SLC35B1: variants seen among roughly 807,000 people sequenced by gnomAD.
SLC35B1 encodes ATP/ADP exchanger ER.
In SLC35B1, 27 loss-of-function variants were observed where a neutral mutation model predicts 36.6. The ratio of observed to expected loss-of-function variants is 0.74; its 90% CI spans 0.54 to 1.02. The LOEUF (loss-of-function observed/expected upper bound fraction) is 1.02, where lower values mean the gene tolerates loss of function less well. Among genes scored for constraint, SLC35B1 ranks in the 50% least tolerant of loss-of-function variants. The pLI, the probability that SLC35B1 is intolerant of heterozygous loss-of-function variation, is 0.00. For missense variants in SLC35B1, 321 were observed against 383.2 expected (o/e 0.84, Z 1.35); for synonymous variants, 162 against 152.5 (o/e 1.06, Z -0.46).
Position 49,701,195 on chromosome 17 carries a change from T to C in SLC35B1, c.*263A>G, listed in dbSNP as rs1474062978. 9 of 405,008 alleles carry C rather than the reference T, an allele frequency of 2.2e-5. No individual in the cohort carries two copies. The East Asian group carries it at 3.9e-4, about 18-fold the overall frequency. The allele number at this position is 405,008 out of a possible 1,614,324, so 25.1% of individuals were successfully genotyped here. A position where few individuals can be genotyped will look rare whatever the true frequency, so the allele number is the denominator to read the frequency against. ...AACCACACCCGTGAGAGGAGCAGCCTGGGTAATGAACATCCAGCTCTGCCT... is the reference window on the plus strand; with the variant it reads ...AACCACACCCGTGAGAGGAGCAGCCCGGGTAATGAACATCCAGCTCTGCCT... On this transcript the variant is annotated 3_prime_UTR_variant, in exon 9 of 9. Transcript: ENST00000240333.
Position 49,706,346 on chromosome 17 carries a change from CAAAAAAAAAAA to C in SLC35B1, c.209-23_209-13del, listed in dbSNP as rs61136804. The C allele has an allele frequency of 4.1e-6, 3 of 732,216 alleles. No individual in the cohort carries two copies. The highest frequency in any genetic ancestry group is 1.9e-4 in the Admixed American group (2 of 10,428). 45.4% of individuals were successfully genotyped at this position (732,216 alleles called of 1,614,324 possible). A position where few individuals can be genotyped will look rare whatever the true frequency, so the allele number is the denominator to read the frequency against. ...AAAAAACTGGATCACTGGGAGAAGA[CAAAAAAAAAAA>C]AAAAAAAAGAAAAGAAAAGAAAAAA... On this transcript the variant is annotated splice_polypyrimidine_tract_variant and intron_variant, in intron 2 of 8. Transcript: ENST00000240333.
chr17:49,707,368 G>C, intron 1 of SLC35B1: 1 of 1,428,660 alleles, frequency 7.0e-7, no homozygotes, highest in East Asian at 3.3e-5. Flanking sequence ...ACGGTATTTC[G>C]GCTATGGCAC....
At chr17:49,706,417 T>C (rs983929467) in intron 2 of SLC35B1, 83 bp from the exon 3 acceptor site, 1 of 1,319,440 alleles carries the variant, frequency 7.6e-7, no homozygotes, top group African/African-American at 1.6e-5. Context: ...GGGGCTAGGA[T>C]GGACCACTAA....
chr17:49,701,702 A>G, intron 8 of SLC35B1, 192 bp from the exon 9 acceptor site: 1 of 551,004 alleles, frequency 1.8e-6, no homozygotes, highest in Non-Finnish European at 3.2e-6. Flanking sequence ...TATTACAGAT[A>G]TCTGTATCTA....
intron 6 of SLC35B1, 52 bp from the exon 7 acceptor site, chr17:49,703,346 GCGCACA>G (rs760517465): frequency 5.5e-4 from 366 of 667,580 alleles, no homozygotes; most frequent in African/African-American, 2.8e-3. Flanking sequence ...CACAAAATGT[GCGCACA>G]CACACACACA....
In SLC35B1 at chr17:49,705,829, G is replaced by A. The variant is rs369602238; in HGVS notation, c.370+37C>T. 2.7e-5 allele frequency: 44 copies of A among 1,605,664 alleles called. No individual in the cohort carries two copies. In the African/African-American group the frequency reaches 5.2e-4, roughly 19 times the overall value. On this transcript the variant is annotated intron_variant, in intron 4 of 8. Transcript: ENST00000240333. The stretch of plus-strand genomic sequence containing the variant: ...AGAGAGAGAGCTTACTATAGGAAGA[G>A]TGACGACAGAAGAGGAAGACCATCT...
intron 6 of SLC35B1, 67 bp from the exon 7 acceptor site, chr17:49,703,361 C>T (rs2073376692): frequency 2.3e-6 from 2 of 882,808 alleles, no homozygotes; most frequent in Non-Finnish European, 3.8e-6. Context: ...CACACACACA[C>T]ACACACACAC....
chr17:49,707,533 T>C, intron 1 of SLC35B1, 197 bp downstream of exon 1: 1 of 1,489,522 alleles, frequency 6.7e-7, no homozygotes, highest in Non-Finnish European at 8.9e-7. Flanking sequence ...AATAACCAAG[T>C]CCGAAGAATC....
Position 49,707,901 on chromosome 17 carries a change from G to C in SLC35B1, c.-68C>G, listed in dbSNP as rs561453044. On this transcript the variant is annotated 5_prime_UTR_variant, in exon 1 of 9. Transcript: ENST00000240333. ...CACCGGCAGCAGCGGCGGCGGAGGCGACAGCTCCAGCCGGACATCGCCGAC... is the reference window on the plus strand; with the variant it reads ...CACCGGCAGCAGCGGCGGCGGAGGCCACAGCTCCAGCCGGACATCGCCGAC... 1.3e-5 allele frequency: 20 copies of C among 1,594,180 alleles called. No individual in the cohort carries two copies. The highest frequency in any genetic ancestry group is 1.6e-5 in the Non-Finnish European group (19 of 1,171,056).
chr17:49,703,306 T>C lies in SLC35B1; in HGVS notation c.656-12A>G, dbSNP rs774587773. The C allele has an allele frequency of 8.3e-6, 13 of 1,560,424 alleles. No individual in the cohort carries two copies. The highest frequency in any genetic ancestry group is 1.1e-5 in the Non-Finnish European group (12 of 1,132,028). On this transcript the variant is annotated splice_polypyrimidine_tract_variant and intron_variant, in intron 6 of 8. Transcript: ENST00000240333. ...AGTGAACAGGATTCCTGAGAAGACA[T>C]GTCAACAAATGTACGGCGCATTTTG...
chr17:49,707,763 C>G lies in SLC35B1; in HGVS notation c.71G>C (p.Cys24Ser). The G allele has an allele frequency of 6.2e-7, 1 of 1,612,068 alleles. No homozygotes were observed. Among genetic ancestry groups the G allele is most frequent in the Non-Finnish European group, 8.5e-7 (1 of 1,179,862 alleles). The part of the protein sequence containing the change: ...LPLCFLGVFV[C>S]YFYYGILQEK... ...CTGCAGGATCCCATAGTAAAAATAGCAGACAAAGACACCCAGGAAGCAGAG... is the reference window on the plus strand; with the variant it reads ...CTGCAGGATCCCATAGTAAAAATAGGAGACAAAGACACCCAGGAAGCAGAG... Residue 24 changes from cysteine to serine, a missense_variant, in exon 1 of 9, where the codon TGC becomes TCC. Transcript: ENST00000240333.
intron 4 of SLC35B1, 57 bp from the exon 5 acceptor site, chr17:49,705,338 A>T: frequency 6.5e-7 from 1 of 1,527,044 alleles, no homozygotes; most frequent in South Asian, 1.2e-5. Flanking sequence ...TGATGACCCC[A>T]ATGCCCTCCC....
chr17:49,705,745 G>T (rs1038337585), intron 4 of SLC35B1, 121 bp downstream of exon 4: 92 of 927,378 alleles, frequency 9.9e-5, no homozygotes, highest in Middle Eastern at 6.5e-4. Context: ...AGAGCTGGGG[G>T]AAAGTCCCTG....
At chr17:49,704,981 G>T in intron 5 of SLC35B1, 143 bp downstream of exon 5, 1 of 724,552 alleles carries the variant, frequency 1.4e-6, no homozygotes, top group East Asian at 2.5e-5. Context: ...ATAGAGTCAG[G>T]GGCCTGCAGC....
intron 4 of SLC35B1, 48 bp downstream of exon 4, chr17:49,705,818 C>G (rs1281491734): frequency 1.3e-6 from 2 of 1,587,440 alleles, no homozygotes; most frequent in Admixed American, 3.3e-5. Flanking sequence ...AGAGAGCTTA[C>G]TATAGGAAGA....
rs1039338660 is a variant in SLC35B1, at chr17:49,707,000, A to G, written c.173T>C (p.Ile58Thr). 6 of 1,613,996 alleles carry G rather than the reference A, an allele frequency of 3.7e-6. No homozygotes were observed. In the African/African-American group the frequency reaches 8.0e-5, roughly 22 times the overall value. The change falls in exon 2 of 9, where the codon ATT becomes ACT. Residue 58 changes from isoleucine to threonine, a missense_variant. Transcript: ENST00000240333. ...TFTFALTLVFIQCVINAVFAK... is the reference protein window; with the variant it reads ...TFTFALTLVFTQCVINAVFAK... ...AAACACAGCATTGATCACACATTGA[A>G]TGAAGACCAAAGTTAAGGCAAAGGT...
chr17:49,701,709 T>C (rs1170348155), intron 8 of SLC35B1, 199 bp from the exon 9 acceptor site: 1 of 539,306 alleles, frequency 1.9e-6, no homozygotes, highest in Non-Finnish European at 3.3e-6. Context: ...GATATCTGTA[T>C]CTATATAAAT....
Position 49,706,228 on chromosome 17 carries a change from T to C in SLC35B1, c.315A>G (p.Leu105=), listed in dbSNP as rs2073414741. ...CCTGAGTTGGGTAGTTGACAAACTG[T>C]AGTGCTGAATTGCTGGAGACCATGG... ...LGAMVSSNSA[L]QFVNYPTQVL... is the part of the protein sequence containing the mutation. Residue 105 remains leucine, a synonymous_variant, in exon 3 of 9, where the codon CTA becomes CTG. Transcript: ENST00000240333. The C allele has an allele frequency of 6.2e-7, 1 of 1,604,064 alleles. No individual in the cohort carries two copies. Among genetic ancestry groups the C allele is most frequent in the South Asian group, 1.1e-5 (1 of 89,548 alleles).
chr17:49,706,882 G>C (rs2073425474), intron 2 of SLC35B1, 83 bp downstream of exon 2: 4 of 967,128 alleles, frequency 4.1e-6, no homozygotes, highest in Admixed American at 1.7e-5. Flanking sequence ...TAGCCTTTAA[G>C]GTTGAATCAA....
Sources: gnomAD v4.1 joint callset for allele counts on GRCh38, gnomAD v4.1.1 for gene constraint, MANE v1.5 for transcripts, NCBI Gene and HGNC (gene_info 2026-07-23, HGNC 2026-07-21) for gene names.